Variants in CLNK observed in about 807,000 individuals in gnomAD.
The protein encoded by CLNK is cytokine-dependent hematopoietic cell linker.
In CLNK, 74 loss-of-function variants were observed where a neutral mutation model predicts 68.6. The observed-to-expected ratio is 1.08, with a 90% confidence interval of 0.89 to 1.31. The LOEUF is 1.31. Ranked by LOEUF, CLNK falls within the 50% of genes most tolerant of loss-of-function variation. The probability of loss-of-function intolerance (pLI) is 0.00; values close to 1 mark genes in which losing one functional copy is unlikely to be tolerated. For synonymous variants in CLNK, 198 were observed against 172.2 expected (o/e 1.15, Z -1.17); for missense variants, 553 against 515.3 (o/e 1.07, Z -0.71).
chr4:10,576,760 T>C lies in CLNK; in HGVS notation c.113-4982A>G, dbSNP rs376490599. Among the ~76,000 whole-genome samples the C allele has an allele frequency of 2.2e-4, 33 of 152,366 alleles. No individual in the cohort carries two copies. The South Asian group carries it at 3.7e-3, about 17-fold the overall frequency. On this transcript the variant is annotated intron_variant, in intron 4 of 18. Transcript: ENST00000226951. ...AACCAATTGAATCAGTCTGCTTTTTTCCTCCAGCTCCTCTGGTGACATTTA... is the reference window on the plus strand; with the variant it reads ...AACCAATTGAATCAGTCTGCTTTTTCCCTCCAGCTCCTCTGGTGACATTTA...
rs940881010 is a variant in CLNK, at chr4:10,518,955, G to A, written c.772+1836C>T. Reference sequence around the variant, plus strand: ...ATTCATACCCAGTAGAATGAGTATCGGTTCAGTAGCTGATGGAGGAACATT... The same window carrying A: ...ATTCATACCCAGTAGAATGAGTATCAGTTCAGTAGCTGATGGAGGAACATT... On this transcript the variant is annotated intron_variant, in intron 15 of 18. Coordinates refer to ENST00000226951, the MANE Select transcript of CLNK (RefSeq NM_052964.4). Among the ~76,000 whole-genome samples, 3 of 152,238 alleles carry A rather than the reference G, an allele frequency of 2.0e-5. 1 individual carries two copies. The highest frequency in any genetic ancestry group is 6.8e-3 in the Middle Eastern group (2 of 294).
chr4:10,588,795 A>G (rs549771525), intron 3 of CLNK, among the ~76,000 whole-genome samples: 3 of 152,196 alleles, frequency 2.0e-5, no homozygotes, highest in African/African-American at 7.2e-5. Flanking sequence ...AGAGGCAAAT[A>G]TACATCTATA....
chr4:10,615,017 C>A (rs1449537002), intron 2 of CLNK, among the ~76,000 whole-genome samples: 1 of 152,044 alleles, frequency 6.6e-6, no homozygotes, highest in Non-Finnish European at 1.5e-5. Context: ...AAAACGCCAT[C>A]TCTACTAAAA....
At chr4:10,549,308 A>G (rs886767210) in intron 8 of CLNK, among the ~76,000 whole-genome samples, 3 of 152,222 alleles carry the variant, frequency 2.0e-5, no homozygotes, top group African/African-American at 7.2e-5. Context: ...AAGCAAAGTA[A>G]CTTGTCTACC....
In CLNK at chr4:10,522,257, CAAAA is replaced by C. The variant is rs5856060; in HGVS notation, c.732-1430_732-1427del. Among the ~76,000 whole-genome samples, 352 of 120,996 alleles carry C rather than the reference CAAAA, an allele frequency of 2.9e-3. 1 individual carries two copies. The highest frequency in any genetic ancestry group is 4.3e-3 in the Non-Finnish European group (254 of 58,952). 79.4% of individuals were successfully genotyped at this position (120,996 alleles called of 152,430 possible). ...TGGGCAACAGAGTGAGACTCTGTCT[CAAAA>C]AAAAAAAAAAAAAGAAAAAGGAAAA... is the stretch of plus-strand genomic sequence containing the variant. On this transcript the variant is annotated intron_variant, in intron 14 of 18. Transcript: ENST00000226951.
In CLNK at chr4:10,667,887, G is replaced by A. The variant is rs762444234; in HGVS notation, c.-18C>T. On this transcript the variant is annotated 5_prime_UTR_variant, in exon 2 of 19. Transcript: ENST00000226951. The stretch of plus-strand genomic sequence containing the variant: ...CTGTTCATAGTTCTTGGCACCTGGC[G>A]GGTAAGAGGGATCTTCAATTCAGCC... 7.4e-6 allele frequency: 10 copies of A among 1,351,860 alleles called. No individual in the cohort carries two copies. The South Asian group carries it at 8.4e-5, about 11-fold the overall frequency. 83.7% of individuals were successfully genotyped at this position (1,351,860 alleles called of 1,614,324 possible). A position where few individuals can be genotyped will look rare whatever the true frequency, so the allele number is the denominator to read the frequency against.
At chr4:10,543,245 C>G (rs571825070) in intron 8 of CLNK, among the ~76,000 whole-genome samples, 2 of 152,294 alleles carry the variant, frequency 1.3e-5, no homozygotes, top group East Asian at 3.9e-4. Context: ...TTAAGTTACT[C>G]TGGGTTGTCA....
At chr4:10,493,024 T>C (rs1716646200) in intron 18 of CLNK, among the ~76,000 whole-genome samples, 1 of 152,082 alleles carries the variant, frequency 6.6e-6, no homozygotes, top group Non-Finnish European at 1.5e-5. Flanking sequence ...GTTCAGCCTG[T>C]TAAAATACTA....
chr4:10,524,537 C>T (rs1218198952), intron 14 of CLNK, among the ~76,000 whole-genome samples: 1 of 152,094 alleles, frequency 6.6e-6, no homozygotes, highest in Non-Finnish European at 1.5e-5. Flanking sequence ...ATTATTGAAT[C>T]AATTAAAGGG....
chr4:10,564,347 A>T (rs906236492), intron 7 of CLNK, among the ~76,000 whole-genome samples: 1 of 152,314 alleles, frequency 6.6e-6, no homozygotes. Context: ...TTATATTATG[A>T]TCAGAAAGAT....
chr4:10,643,804 G>T (rs1723408660), intron 2 of CLNK, among the ~76,000 whole-genome samples: 1 of 152,172 alleles, frequency 6.6e-6, no homozygotes, highest in South Asian at 2.1e-4. Context: ...ACATCTTTGG[G>T]CCCAAACCAC....
intron 11 of CLNK, among the ~76,000 whole-genome samples, chr4:10,538,424 T>C (rs770524722): frequency 2.6e-5 from 4 of 152,228 alleles, no homozygotes; most frequent in African/African-American, 4.8e-5. Context: ...CCATTATGCC[T>C]AGTCTCAATA....
chr4:10,689,574 A>T (rs1415811429), upstream of CLNK, among the ~76,000 whole-genome samples: 1 of 152,112 alleles, frequency 6.6e-6, no homozygotes, highest in Non-Finnish European at 1.5e-5. Flanking sequence ...CCTGTCAGGC[A>T]GCTGGTCTCA....
chr4:10,614,079 C>T (rs557029719), intron 2 of CLNK, among the ~76,000 whole-genome samples: 1 of 152,310 alleles, frequency 6.6e-6, no homozygotes, highest in South Asian at 2.1e-4. Flanking sequence ...GAAATTTCTC[C>T]AGCTGTAATA....
At chr4:10,533,419 T>C (rs1460351903) in intron 11 of CLNK, among the ~76,000 whole-genome samples, 1 of 152,176 alleles carries the variant, frequency 6.6e-6, no homozygotes, top group African/African-American at 2.4e-5. Flanking sequence ...ATCTGAAGAA[T>C]ATGGGAGTAT....
chr4:10,689,806 C>A, the CLNK span, among the ~76,000 whole-genome samples: 716 of 122,616 alleles, frequency 5.8e-3, 6 homozygotes, highest in African/African-American at 0.021. Context: ...GTGCCAGCAT[C>A]TCTGATTTAT....
chr4:10,542,307 A>C (rs1450506953), intron 8 of CLNK, 27 bp from the exon 9 acceptor site: 1 of 1,477,010 alleles, frequency 6.8e-7, no homozygotes, highest in African/African-American at 1.4e-5. Flanking sequence ...AATAGCAGTG[A>C]ATTTATGGAA....
the CLNK span, among the ~76,000 whole-genome samples, chr4:10,722,100 G>A: frequency 4.6e-5 from 7 of 152,156 alleles, no homozygotes; most frequent in Non-Finnish European, 7.4e-5. Context: ...TTTGAGTCCC[G>A]GAAATGGAGG....
At chr4:10,578,835 C>T (rs975849784) in intron 4 of CLNK, among the ~76,000 whole-genome samples, 3 of 152,074 alleles carry the variant, frequency 2.0e-5, no homozygotes, top group African/African-American at 7.2e-5. Flanking sequence ...GCCTCCCAAA[C>T]TGCTGGCATT....
Sources: allele counts gnomAD v4.1 joint callset (sites outside exome capture counted in the v4.1 genomes callset), GRCh38; gene constraint gnomAD v4.1.1; transcripts MANE v1.5; gene names NCBI Gene and HGNC (gene_info 2026-07-23, HGNC 2026-07-21).